KIAA0319: variants seen among roughly 807,000 people sequenced by gnomAD.
KIAA0319 encodes the protein KIAA0319.
In KIAA0319, 83 loss-of-function variants were observed where a neutral mutation model predicts 108.4. That is an observed-to-expected ratio of 0.77 (90% CI 0.64 to 0.92). KIAA0319 has a LOEUF of 0.92. Ranked by LOEUF, KIAA0319 falls within the 40% of genes least tolerant of loss-of-function variation. KIAA0319 has a pLI of 0.00. For missense variants in KIAA0319, 1,195 were observed against 1,322.4 expected (o/e 0.90, Z 1.49); for synonymous variants, 484 against 510.4 (o/e 0.95, Z 0.70).
chr6:24,634,859 G>C (rs1348664064), intron 1 of KIAA0319, among the ~76,000 whole-genome samples: 3 of 152,200 alleles, frequency 2.0e-5, no homozygotes, highest in African/African-American at 7.2e-5. Flanking sequence ...AGATGATTTT[G>C]AGAGCTTCAA....
intron 7 of KIAA0319, 113 bp from the exon 8 acceptor site, chr6:24,580,063 G>T: frequency 1.3e-6 from 1 of 793,146 alleles, no homozygotes; most frequent in Non-Finnish European, 2.0e-6. Flanking sequence ...TCAAGAAGGT[G>T]TTTATCCTAC....
At chr6:24,557,916 A>C (rs1762526250) in intron 17 of KIAA0319, among the ~76,000 whole-genome samples, 1 of 152,166 alleles carries the variant, frequency 6.6e-6, no homozygotes, top group Non-Finnish European at 1.5e-5. Context: ...TTTGAAGTTA[A>C]AAATCAGATT....
At chr6:24,605,656 C>A (rs1771290175) in intron 1 of KIAA0319, among the ~76,000 whole-genome samples, 1 of 152,132 alleles carries the variant, frequency 6.6e-6, no homozygotes, top group Non-Finnish European at 1.5e-5. Context: ...GCCCATATAT[C>A]CTTCCATAAA....
rs1354816429 is a variant in KIAA0319 at position 24,588,680 on chromosome 6, T to C, written c.907A>G (p.Ser303Gly). 1 of 1,614,062 alleles carries C rather than the reference T, an allele frequency of 6.2e-7. No individual in the cohort carries two copies. The highest frequency in any genetic ancestry group is 8.5e-7 in the Non-Finnish European group (1 of 1,179,946). The change falls in exon 4 of 21, where the codon AGC becomes GGC. Residue 303 changes from serine (S) to glycine (G), a missense_variant. Ser to Gly is a moderately conservative substitution (Grantham distance 56). Transcript: ENST00000378214. ...LTVTPGSTEHSIPTPPTSAAP... is the reference protein window; with the variant it reads ...LTVTPGSTEHGIPTPPTSAAP... ...GCGCTAGTGGGAGGTGTTGGGATGC[T>C]GTGCTCTGTACTCCCCGGGGTGACT...
intron 2 of KIAA0319, chr6:24,600,571 A>G (rs1770471581): frequency 1.1e-6 from 1 of 938,536 alleles, no homozygotes; most frequent in Non-Finnish European, 1.7e-6. Flanking sequence ...AACTGTACAT[A>G]ACAGTTTTTC....
chr6:24,643,098 C>A (rs1777176428), intron 1 of KIAA0319, among the ~76,000 whole-genome samples: 1 of 152,156 alleles, frequency 6.6e-6, no homozygotes, highest in Non-Finnish European at 1.5e-5. Context: ...GGAAAAATAA[C>A]TAAAACTTGA....
At chr6:24,542,388 A>G (rs954538218), downstream of KIAA0319, among the ~76,000 whole-genome samples, 3 of 152,186 alleles carry the variant, frequency 2.0e-5, no homozygotes, top group Admixed American at 1.3e-4. Context: ...GAAAGAGCCA[A>G]TCCTTTAAGA....
chr6:24,547,410 G>T, intron 20 of KIAA0319, 67 bp from the exon 21 acceptor site: 15 of 1,413,042 alleles, frequency 1.1e-5, no homozygotes, highest in Non-Finnish European at 1.5e-5. Flanking sequence ...CAGTCGTTGT[G>T]GTTGCAGGTC....
At chr6:24,564,088 G>C in intron 15 of KIAA0319, 114 bp downstream of exon 15, 10 of 1,319,758 alleles carry the variant, frequency 7.6e-6, no homozygotes, top group Non-Finnish European at 1.1e-5. Flanking sequence ...GTCCAGCCAA[G>C]AGCTGGAGCC....
At chr6:24,583,525 G>T (rs1054258750) in intron 5 of KIAA0319, 79 bp downstream of exon 5, 2 of 929,252 alleles carry the variant, frequency 2.2e-6, no homozygotes, top group East Asian at 2.4e-5. Flanking sequence ...AAGAATCGGC[G>T]TTGTAAATAG....
chr6:24,586,301 G>T (rs1429743839), intron 4 of KIAA0319, among the ~76,000 whole-genome samples: 1 of 149,532 alleles, frequency 6.7e-6, no homozygotes, highest in Non-Finnish European at 1.5e-5. Context: ...ATTATTTTGA[G>T]CTGTGTTTTT....
intron 1 of KIAA0319, among the ~76,000 whole-genome samples, chr6:24,608,289 T>C (rs1210073605): frequency 6.6e-6 from 1 of 152,032 alleles, no homozygotes; most frequent in African/African-American, 2.4e-5. Context: ...CTTAAATAAA[T>C]GGAGGAAACC....
chr6:24,604,484 G>C (rs539750763), intron 1 of KIAA0319, among the ~76,000 whole-genome samples: 3 of 152,328 alleles, frequency 2.0e-5, no homozygotes, highest in Admixed American at 6.5e-5. Flanking sequence ...AGAAAAGGCA[G>C]CTCTAAGAGA....
At chr6:24,585,742 C>G (rs1012465185) in intron 4 of KIAA0319, among the ~76,000 whole-genome samples, 2 of 152,150 alleles carry the variant, frequency 1.3e-5, no homozygotes, top group African/African-American at 4.8e-5. Flanking sequence ...CTGGACCAAA[C>G]CAATGTACAT....
chr6:24,552,965 A>G (rs1049859632), intron 19 of KIAA0319, among the ~76,000 whole-genome samples: 2 of 152,078 alleles, frequency 1.3e-5, no homozygotes, highest in African/African-American at 4.8e-5. Flanking sequence ...TTCACATGAA[A>G]GAGTGGACCT....
intron 19 of KIAA0319, 119 bp from the exon 20 acceptor site, chr6:24,551,644 G>A (rs376512314): frequency 3.8e-5 from 26 of 678,996 alleles, no homozygotes; most frequent in African/African-American, 7.2e-5. Context: ...GATAGTTGGC[G>A]TCTTTTATTA....
At position 24,596,241 on chromosome 6, in the gene KIAA0319, C is replaced by T. The variant is rs1198852432; in HGVS notation, c.433G>A (p.Gly145Ser). 3 of 1,614,096 alleles carry T rather than the reference C, an allele frequency of 1.9e-6. No homozygotes were observed. The highest frequency in any genetic ancestry group is 1.1e-5 in the South Asian group (1 of 91,088). The change falls in exon 3 of 21, where the codon GGC (glycine) becomes AGC (serine). Residue 145 changes from glycine (G) to serine (S), a missense_variant. Gly to Ser is a moderately conservative substitution (Grantham distance 56). Transcript: ENST00000378214. ...ATCTCCTCTAGGCCCCAATCTTTGC[C>T]TAGAAAGGTCAAGTCCTTTCTGATA... Reference protein sequence around the residue: ...EDIRKDLTFLGKDWGLEEMSE... With the variant: ...EDIRKDLTFLSKDWGLEEMSE...
intron 1 of KIAA0319, among the ~76,000 whole-genome samples, chr6:24,606,270 C>G (rs533310054): frequency 6.6e-6 from 1 of 152,170 alleles, no homozygotes; most frequent in Non-Finnish European, 1.5e-5. Flanking sequence ...ATATTTCTGG[C>G]CATATCCTGT....
At chr6:24,570,124 T>A (rs1341681682) in intron 11 of KIAA0319, 89 bp from the exon 12 acceptor site, 2 of 1,278,740 alleles carry the variant, frequency 1.6e-6, no homozygotes, top group African/African-American at 2.9e-5. Context: ...ACATTACTCA[T>A]CTTCAGACCA....
Sources: allele counts gnomAD v4.1 joint callset (sites outside exome capture counted in the v4.1 genomes callset), GRCh38; gene constraint gnomAD v4.1.1; transcripts MANE v1.5; gene names NCBI Gene and HGNC (gene_info 2026-07-23, HGNC 2026-07-21).